Variants in ADGRB3 observed in about 807,000 individuals in gnomAD.
ADGRB3 encodes adhesion G protein-coupled receptor B3, also known as brain-specific angiogenesis inhibitor 3.
Under a neutral mutation model 193.4 loss-of-function variants are expected in ADGRB3, and 37 were observed. The observed-to-expected ratio is 0.19, with a 90% CI of 0.15 to 0.25. ADGRB3 has a LOEUF of 0.25. Among genes scored for constraint, ADGRB3 ranks in the 10% least tolerant of loss-of-function variants. The pLI, the probability that ADGRB3 is intolerant of heterozygous loss-of-function variation, is 1.00. For missense variants in ADGRB3, 1,637 were observed against 1,852.9 expected, an observed-to-expected ratio of 0.88 and a Z score of 2.14; for synonymous variants, 690 against 644.2, an observed-to-expected ratio of 1.07 and a Z score of -1.08.
At chr6:68,883,405 G>C (rs1047180009) in intron 3 of ADGRB3, among the ~76,000 whole-genome samples, 4 of 152,176 alleles carry the variant, frequency 2.6e-5, no homozygotes, top group African/African-American at 7.2e-5. Context: ...AGCACCAGCT[G>C]CGGCAATCAG....
rs376079687 is a variant in ADGRB3, at chr6:69,338,945, C to T, written c.3218C>T (p.Thr1073Met). ...GQMSEPHSGLTLKCAKCGVVS... is the reference protein window; with the variant it reads ...GQMSEPHSGLMLKCAKCGVVS... ...ATGAGTGAGCCTCATAGCGGTTTGA[C>T]GCTCAAATGTGCCAAGTGTGGAGTA... The change falls in exon 25 of 32, where the codon ACG becomes ATG. Residue 1073 changes from threonine (T) to methionine (M), a missense_variant. Thr to Met is a moderately conservative substitution (Grantham distance 81, BLOSUM62 -1). This residue lies in a region of ADGRB3 where 56 missense variants were observed against 53.3 expected (regional missense o/e 1.05). Transcript: ENST00000370598. 54 of 1,613,624 alleles carry T rather than the reference C, an allele frequency of 3.3e-5. No homozygotes were observed. Among genetic ancestry groups the T allele is most frequent in the South Asian group, 1.4e-4 (13 of 91,062 alleles).
chr6:69,146,076 G>C (rs1774484185), intron 17 of ADGRB3, among the ~76,000 whole-genome samples: 1 of 152,076 alleles, frequency 6.6e-6, no homozygotes, highest in Admixed American at 6.5e-5. Context: ...TCCCTTTTCT[G>C]CCCAAAAGCC....
Position 69,327,859 on chromosome 6 carries a change from C to A in ADGRB3, c.3005C>A (p.Thr1002Asn). The A allele has an allele frequency of 6.2e-7, 1 of 1,610,118 alleles. No homozygotes were observed. The highest frequency in any genetic ancestry group is 1.1e-5 in the South Asian group (1 of 90,690). The change falls in exon 22 of 32, where the codon ACC becomes AAC. Residue 1002 changes from threonine (T) to asparagine (N), a missense_variant. Around this residue, in one of 7 missense-constraint regions of ADGRB3, gnomAD observed 87 missense variants for 161.0 expected, o/e 0.54. Coordinates refer to ENST00000370598, the MANE Select transcript of ADGRB3 (RefSeq NM_001704.3). ...ALVVATSVGF[T>N]RTKGYGTDHY... is the part of the protein sequence containing the mutation. The stretch of plus-strand genomic sequence containing the variant: ...GTAGTGGCCACATCAGTAGGCTTCA[C>A]CAGAACAAAAGGATATGGCACTGAT...
At chr6:68,766,454 C>T (rs911135784) in intron 3 of ADGRB3, among the ~76,000 whole-genome samples, 3 of 151,884 alleles carry the variant, frequency 2.0e-5, no homozygotes, top group Admixed American at 1.3e-4. Flanking sequence ...AAGTGAATGA[C>T]TTTTACTACC....
chr6:68,856,613 C>G (rs1369560268), intron 3 of ADGRB3, among the ~76,000 whole-genome samples: 1 of 152,152 alleles, frequency 6.6e-6, no homozygotes, highest in Non-Finnish European at 1.5e-5. Flanking sequence ...AATTTCTAAA[C>G]AGCAAAGCAT....
intron 17 of ADGRB3, among the ~76,000 whole-genome samples, chr6:69,134,751 GGT>G (rs774484562): frequency 6.3e-4 from 96 of 151,508 alleles, no homozygotes; most frequent in South Asian, 5.6e-3. Flanking sequence ...ATATATGTAT[GGT>G]GTGTGTGTAT....
chr6:68,687,644 A>AT (rs1485420657), intron 3 of ADGRB3, among the ~76,000 whole-genome samples: 2 of 152,164 alleles, frequency 1.3e-5, no homozygotes, highest in East Asian at 3.8e-4. Flanking sequence ...TCATTCACTC[A>AT]TTCATTCATG....
chr6:68,811,677 C>T (rs1767515058), intron 3 of ADGRB3, among the ~76,000 whole-genome samples: 1 of 152,008 alleles, frequency 6.6e-6, no homozygotes, highest in Admixed American at 6.6e-5. Flanking sequence ...ACCATGTTGG[C>T]CAGGCTGGTC....
intron 20 of ADGRB3, among the ~76,000 whole-genome samples, chr6:69,244,749 G>A (rs1561964437): frequency 6.6e-6 from 1 of 151,960 alleles, no homozygotes; most frequent in Non-Finnish European, 1.5e-5. Flanking sequence ...TCTTAAGCAT[G>A]ACACCCTGCA....
intron 3 of ADGRB3, among the ~76,000 whole-genome samples, chr6:68,731,466 T>C (rs1011322169): frequency 1.3e-5 from 2 of 151,746 alleles, no homozygotes; most frequent in Admixed American, 6.6e-5. Context: ...CAAAATATAA[T>C]TTTAGAATAT....
At chr6:69,323,748 T>G (rs1768511133) in intron 20 of ADGRB3, among the ~76,000 whole-genome samples, 1 of 152,076 alleles carries the variant, frequency 6.6e-6, no homozygotes, top group Non-Finnish European at 1.5e-5. Flanking sequence ...TTTATAGGAT[T>G]AGAAGAACTG....
intron 30 of ADGRB3, among the ~76,000 whole-genome samples, chr6:69,378,433 T>G (rs764238206): frequency 2.0e-4 from 31 of 152,190 alleles, no homozygotes; most frequent in Non-Finnish European, 4.6e-4. Flanking sequence ...ACTACTTGTG[T>G]GAGCTTGGGA....
chr6:68,990,261 T>C (rs1769198467), intron 10 of ADGRB3, among the ~76,000 whole-genome samples: 1 of 152,160 alleles, frequency 6.6e-6, no homozygotes, highest in Non-Finnish European at 1.5e-5. Flanking sequence ...GGATAGAAGA[T>C]CAAGAACTGG....
chr6:69,009,153 GA>G (rs1253416310), intron 11 of ADGRB3, among the ~76,000 whole-genome samples: 6 of 152,030 alleles, frequency 3.9e-5, no homozygotes, highest in African/African-American at 1.4e-4. Flanking sequence ...GCACAAGAGT[GA>G]ACAAAATAGA....
intron 3 of ADGRB3, among the ~76,000 whole-genome samples, chr6:68,899,766 A>G (rs1342642304): frequency 1.3e-5 from 2 of 152,034 alleles, no homozygotes; most frequent in South Asian, 2.1e-4. Flanking sequence ...TATTAATTAA[A>G]TATTGCAATA....
At chr6:69,235,208 A>G in intron 19 of ADGRB3, 73 bp downstream of exon 19, 1 of 1,139,574 alleles carries the variant, frequency 8.8e-7, no homozygotes. Flanking sequence ...TGTGATAATT[A>G]TTAAATGTCT....
intron 3 of ADGRB3, among the ~76,000 whole-genome samples, chr6:68,898,348 C>T (rs916392675): frequency 2.0e-5 from 3 of 151,968 alleles, no homozygotes; most frequent in Admixed American, 6.6e-5. Flanking sequence ...TGGATAATGC[C>T]CACTCGAATT....
intron 6 of ADGRB3, among the ~76,000 whole-genome samples, chr6:68,953,340 A>G (rs1767983912): frequency 6.6e-6 from 1 of 152,178 alleles, no homozygotes; most frequent in Non-Finnish European, 1.5e-5. Flanking sequence ...ACCTTTGTTA[A>G]TGTGCTGCTT....
intron 17 of ADGRB3, among the ~76,000 whole-genome samples, chr6:69,135,400 C>T (rs1233537897): frequency 4.6e-5 from 7 of 151,608 alleles, no homozygotes; most frequent in Admixed American, 1.3e-4. Flanking sequence ...TTAAGATGTC[C>T]TCTATAAGCT....
Sources: gnomAD v4.1 joint callset for allele counts (sites outside exome capture counted in the v4.1 genomes callset) on GRCh38, gnomAD v4.1.1 for gene constraint, gnomAD v4.1.1 regional missense constraint, MANE v1.5 for transcripts, NCBI Gene and HGNC (gene_info 2026-07-23, HGNC 2026-07-21) for gene names.